Variants in DLGAP4 observed in about 807,000 individuals in gnomAD.
DLGAP4 encodes the protein disks large-associated protein 4.
Under a neutral mutation model 86.9 loss-of-function variants are expected in DLGAP4, and 18 were observed. The observed-to-expected ratio is 0.21, with a 90% confidence interval of 0.14 to 0.31. The LOEUF is 0.31. Among genes scored for constraint, DLGAP4 ranks in the 10% least tolerant of loss-of-function variants. DLGAP4 has a pLI of 1.00. For missense variants in DLGAP4, 1,085 were observed against 1,362.6 expected (o/e 0.80, Z 3.21); for synonymous variants, 548 against 574.3 (o/e 0.95, Z 0.65).
chr20:36,490,568 C>T (rs1170994247), intron 7 of DLGAP4, among the ~76,000 whole-genome samples: 1 of 152,210 alleles, frequency 6.6e-6, no homozygotes, highest in Non-Finnish European at 1.5e-5. Flanking sequence ...TCTCTGGGGT[C>T]AGCTTCATCC....
intron 1 of DLGAP4, among the ~76,000 whole-genome samples, chr20:36,317,228 TTTCTTTC>T (rs2065110448): frequency 2.4e-4 from 5 of 20,698 alleles, no homozygotes; most frequent in Non-Finnish European, 4.5e-4. Context: ...TCCTTTTTTC[TTTCTTTC>T]TTTCTTTCTT....
At chr20:36,381,506 T>C (rs775852645) in intron 2 of DLGAP4, among the ~76,000 whole-genome samples, 3 of 152,216 alleles carry the variant, frequency 2.0e-5, no homozygotes, top group Non-Finnish European at 4.4e-5. Flanking sequence ...TGACACATCA[T>C]GCCTCCCTTC....
intron 7 of DLGAP4, among the ~76,000 whole-genome samples, chr20:36,486,378 G>A (rs1457049141): frequency 6.6e-6 from 1 of 152,186 alleles, no homozygotes; most frequent in Non-Finnish European, 1.5e-5. Context: ...CTGAAGACAT[G>A]CTACTTGAGC....
intron 7 of DLGAP4, among the ~76,000 whole-genome samples, chr20:36,472,091 A>G (rs748222345): frequency 1.3e-5 from 2 of 152,112 alleles, no homozygotes; most frequent in Non-Finnish European, 2.9e-5. Context: ...GGATGGCCCA[A>G]AAAGGCTCCC....
rs1555893379 is a variant in DLGAP4, at chr20:36,350,380, T to C, written c.-303-16665T>C. On this transcript the variant is annotated intron_variant, in intron 1 of 12. Transcript: ENST00000339266. The surrounding 1 kb of genome is among the most constrained non-coding windows in gnomAD (Gnocchi z 4.4). ...GGGGCAGTGGGGTCCTGTGACCTTA[T>C]CCATCCACCTGGCCCTGAGGAGGCC... Among the ~76,000 whole-genome samples the C allele has an allele frequency of 6.6e-6, 1 of 152,144 alleles. No homozygotes were observed. Among genetic ancestry groups the C allele is most frequent in the Non-Finnish European group, 1.5e-5 (1 of 68,024 alleles).
intron 2 of DLGAP4, among the ~76,000 whole-genome samples, chr20:36,400,450 C>T (rs1268945013): frequency 6.6e-6 from 1 of 152,166 alleles, no homozygotes; most frequent in Admixed American, 6.5e-5. Flanking sequence ...AATTACTTTC[C>T]TTTCACTTCT....
rs536626677 is a variant in DLGAP4, at chr20:36,496,926, G to A, written c.1870G>A (p.Gly624Ser). The change falls in exon 8 of 13, where the codon GGT (glycine) becomes AGT (serine). Residue 624 changes from glycine to serine, a missense_variant. Around this residue, in one of 2 missense-constraint regions of DLGAP4, gnomAD observed 1,082 missense variants for 1,344.1 expected, o/e 0.81. Transcript: ENST00000339266. ...SSTRPPSVTR[G>S]GVAPAPEAPE... ...TACCCGACCGCCCAGCGTGACACGG[G>A]GTGGAGTCGCCCCAGCCCCTGAGGC... 1.1e-4 allele frequency: 179 copies of A among 1,614,180 alleles called. No homozygotes were observed. The South Asian group carries it at 1.8e-3, about 16-fold the overall frequency.
At chr20:36,422,963 T>A (rs1179140534) in intron 2 of DLGAP4, among the ~76,000 whole-genome samples, 1 of 152,112 alleles carries the variant, frequency 6.6e-6, no homozygotes, top group Non-Finnish European at 1.5e-5. Flanking sequence ...AAGGTGAGGA[T>A]CCTGCCACCC....
At position 36,401,420 on chromosome 20, in the gene DLGAP4, T is replaced by A. The variant is rs115057470; in HGVS notation, c.-72-30226T>A. Among the ~76,000 whole-genome samples the A allele has an allele frequency of 7.1e-3, 1,075 of 152,292 alleles. 18 individuals are homozygous for A. The highest frequency in any genetic ancestry group is 0.025 in the African/African-American group (1,037 of 41,560). ...TCTGAGCTGAGAGGGGAGCCCCCAG[T>A]CTTTGCCACGTGCTGCTGCTTAGCC... On this transcript the variant is annotated intron_variant, in intron 2 of 12. Transcript: ENST00000339266.
intron 10 of DLGAP4, among the ~76,000 whole-genome samples, chr20:36,521,227 C>T (rs928549472): frequency 6.6e-6 from 1 of 152,364 alleles, no homozygotes; most frequent in East Asian, 1.9e-4. Flanking sequence ...TTTCAAAGTG[C>T]TGGGATTACA....
At chr20:36,360,779 G>C (rs975799069) in intron 1 of DLGAP4, among the ~76,000 whole-genome samples, 5 of 152,072 alleles carry the variant, frequency 3.3e-5, no homozygotes, top group African/African-American at 1.2e-4. Context: ...GATGGCGGCA[G>C]GGAGGGGTCT....
chr20:36,420,529 G>A (rs769264941), intron 2 of DLGAP4, among the ~76,000 whole-genome samples: 5 of 152,138 alleles, frequency 3.3e-5, no homozygotes, highest in African/African-American at 7.2e-5. Flanking sequence ...AAATGAGGTC[G>A]GGAAAGCCAG....
chr20:36,473,982 C>T (rs1221009438), intron 7 of DLGAP4, among the ~76,000 whole-genome samples: 1 of 152,222 alleles, frequency 6.6e-6, no homozygotes, highest in Non-Finnish European at 1.5e-5. Flanking sequence ...GGACAAGGTA[C>T]TTAACCTCTC....
At chr20:36,409,398 C>CTTTTTTTTTTAAATCTTTT (rs2032420919) in intron 2 of DLGAP4, among the ~76,000 whole-genome samples, 1 of 142,364 alleles carries the variant, frequency 7.0e-6, no homozygotes, top group Non-Finnish European at 1.5e-5. Context: ...TTTTTTAAGA[C>CTTTTTTTTTTAAATCTTTT]TTTTTTTTTT....
chr20:36,467,987 G>C (rs751879842), intron 7 of DLGAP4, among the ~76,000 whole-genome samples: 5 of 152,212 alleles, frequency 3.3e-5, no homozygotes, highest in Non-Finnish European at 7.3e-5. Context: ...CTTGGAAAGG[G>C]AACTCCTGCT....
At position 36,439,847 on chromosome 20, in the gene DLGAP4, C is replaced by A. The variant is rs140243609; in HGVS notation, c.1335C>A (p.Asn445Lys). 2.5e-6 allele frequency: 4 copies of A among 1,613,364 alleles called. No homozygotes were observed. The highest frequency in any genetic ancestry group is 3.4e-6 in the Non-Finnish European group (4 of 1,179,950). ...EDYTPVSDSL[N>K]DSSCISQIFG... is the part of the protein sequence containing the mutation. ...ACACCCCCGTCAGCGACAGCCTCAA[C>A]GACTCCAGCTGCATCAGCCAGGTGA... Residue 445 changes from asparagine to lysine, a missense_variant, in exon 5 of 13, where the codon AAC (asparagine) becomes AAA (lysine). Transcript: ENST00000339266.
intron 1 of DLGAP4, among the ~76,000 whole-genome samples, chr20:36,342,048 G>T (rs782230938): frequency 8.5e-5 from 13 of 152,206 alleles, no homozygotes; most frequent in Non-Finnish European, 1.6e-4. Context: ...AGGAACCCCT[G>T]GTGGCCGGAG....
At chr20:36,467,045 T>C (rs1324333757) in intron 7 of DLGAP4, among the ~76,000 whole-genome samples, 1 of 130,342 alleles carries the variant, frequency 7.7e-6, no homozygotes, top group Non-Finnish European at 1.5e-5. Context: ...TCTCTCTCTC[T>C]CTCTCTCTCT....
chr20:36,472,500 C>CAAA (rs1217814412), intron 7 of DLGAP4, among the ~76,000 whole-genome samples: 9 of 76,332 alleles, frequency 1.2e-4, no homozygotes, highest in African/African-American at 3.6e-4. Flanking sequence ...AACCCTGTCT[C>CAAA]AAAAAAAAAA....
Sources: gnomAD v4.1 joint callset for allele counts (sites outside exome capture counted in the v4.1 genomes callset) on GRCh38, gnomAD v4.1.1 for gene constraint, gnomAD v4.1.1 regional missense constraint, Gnocchi (gnomAD v3.1) non-coding constraint, MANE v1.5 for transcripts, NCBI Gene and HGNC (gene_info 2026-07-23, HGNC 2026-07-21) for gene names.